TARS3: variants seen among roughly 807,000 people sequenced by gnomAD.
TARS3 encodes threonyl-tRNA synthetase 3.
Under a neutral mutation model 103.5 loss-of-function variants are expected in TARS3, and 94 were observed. The observed-to-expected ratio is 0.91, with a 90% CI of 0.77 to 1.08. The LOEUF is 1.08. TARS3 is among the 50% of genes least tolerant of loss of function. The pLI, the probability that TARS3 is intolerant of heterozygous loss-of-function variation, is 0.00. For missense variants in TARS3, 952 were observed against 995.2 expected, an observed-to-expected ratio of 0.96 and a Z score of 0.58; for synonymous variants, 416 against 355.4, an observed-to-expected ratio of 1.17 and a Z score of -1.92.
intron 18 of TARS3, among the ~76,000 whole-genome samples, chr15:101,655,361 A>C (rs866897881): frequency 1.7e-5 from 2 of 116,530 alleles, no homozygotes; most frequent in Non-Finnish European, 3.6e-5. Context: ...CTAGGGTGCA[A>C]ATGAGAGGGG....
intron 10 of TARS3, among the ~76,000 whole-genome samples, chr15:101,696,329 T>C (rs1044160853): frequency 1.3e-5 from 2 of 151,904 alleles, no homozygotes; most frequent in African/African-American, 2.4e-5. Flanking sequence ...GTAAGTGTTA[T>C]ACTTGCTTCA....
At chr15:101,675,189 G>A (rs149019638) in intron 13 of TARS3, among the ~76,000 whole-genome samples, 8 of 152,284 alleles carry the variant, frequency 5.3e-5, no homozygotes, top group Non-Finnish European at 8.8e-5. Flanking sequence ...ACGACAGGAC[G>A]TGACTACGAA....
intron 13 of TARS3, among the ~76,000 whole-genome samples, chr15:101,672,807 CCT>C (rs1467258157): frequency 6.6e-6 from 1 of 152,180 alleles, no homozygotes; most frequent in Non-Finnish European, 1.5e-5. Context: ...GCTGCGCTCC[CCT>C]GTTCCACTCT....
chr15:101,708,257 GAAAAAAAAAAAA>G (rs60601502), intron 6 of TARS3, among the ~76,000 whole-genome samples: 3 of 48,602 alleles, frequency 6.2e-5, no homozygotes, highest in Non-Finnish European at 1.0e-4. Flanking sequence ...GACTCTGTCT[GAAAAAAAAAAAA>G]AAAAAAAAAA....
At chr15:101,668,467 C>T (rs889587865) in intron 15 of TARS3, among the ~76,000 whole-genome samples, 2 of 152,020 alleles carry the variant, frequency 1.3e-5, no homozygotes, top group Non-Finnish European at 2.9e-5. Flanking sequence ...AGAGTAATAT[C>T]AAATATCACT....
Position 101,684,176 on chromosome 15 carries a change from C to T in TARS3, c.1549G>A (p.Gly517Arg). ...GACAGTTCATTTCTATGCAGAACTC[C>T]AAAATCAGCAAATCTAATAGGCATT... is the stretch of plus-strand genomic sequence containing the variant. ...REMPIRFADFGVLHRNELSGT... is the reference protein window; with the variant it reads ...REMPIRFADFRVLHRNELSGT... Residue 517 changes from glycine (G) to arginine (R), a missense_variant, in exon 12 of 19, where the codon GGA (glycine) becomes AGA (arginine). Gly to Arg is a moderately radical substitution (Grantham distance 125). Transcript: ENST00000335968. 1 of 1,614,050 alleles carries T rather than the reference C, an allele frequency of 6.2e-7. No individual in the cohort carries two copies. Among genetic ancestry groups the T allele is most frequent in the Non-Finnish European group, 8.5e-7 (1 of 1,179,958 alleles).
Position 101,657,779 on chromosome 15 carries a change from T to C in TARS3, c.2145+6A>G. On this transcript the variant is annotated splice_donor_region_variant and intron_variant, in intron 17 of 18. Coordinates refer to ENST00000335968, the MANE Select transcript of TARS3 (RefSeq NM_152334.3). Reference sequence around the variant, plus strand: ...TATTATGTACTTTAAACACCTCTGATTTTACCTGAAGTGCATATTTTTCAC... The same window carrying C: ...TATTATGTACTTTAAACACCTCTGACTTTACCTGAAGTGCATATTTTTCAC... 1 of 1,596,422 alleles carries C rather than the reference T, an allele frequency of 6.3e-7. No homozygotes were observed. Among genetic ancestry groups the C allele is most frequent in the Non-Finnish European group, 8.6e-7 (1 of 1,167,652 alleles).
intron 10 of TARS3, among the ~76,000 whole-genome samples, chr15:101,689,797 T>G (rs1327793536): frequency 6.6e-6 from 1 of 152,228 alleles, no homozygotes; most frequent in South Asian, 2.1e-4. Context: ...ACCTAGTTTA[T>G]GGTATTTTGT....
chr15:101,698,216 C>T (rs927445210), intron 10 of TARS3, among the ~76,000 whole-genome samples: 1 of 152,114 alleles, frequency 6.6e-6, no homozygotes, highest in Non-Finnish European at 1.5e-5. Context: ...CCTGTGGTCC[C>T]AGCTGCTCGG....
At chr15:101,705,572 T>C (rs910727496) in intron 7 of TARS3, 111 bp downstream of exon 7, 2 of 803,524 alleles carry the variant, frequency 2.5e-6, no homozygotes, top group Non-Finnish European at 4.1e-6. Flanking sequence ...CGGTAGATTA[T>C]CAACTACACA....
intron 10 of TARS3, among the ~76,000 whole-genome samples, chr15:101,700,883 C>T (rs909357925): frequency 1.2e-4 from 19 of 152,174 alleles, no homozygotes; most frequent in African/African-American, 4.6e-4. Flanking sequence ...CTCAGGTGAT[C>T]TGCCCACCTT....
chr15:101,710,130 C>T (rs1899787349), intron 5 of TARS3, among the ~76,000 whole-genome samples: 1 of 152,154 alleles, frequency 6.6e-6, no homozygotes. Flanking sequence ...ATGAAACCTC[C>T]ATTAAAATCC....
At chr15:101,678,953 T>C (rs1460337015) in intron 12 of TARS3, among the ~76,000 whole-genome samples, 1 of 152,220 alleles carries the variant, frequency 6.6e-6, no homozygotes, top group African/African-American at 2.4e-5. Context: ...TTTAAAAGTA[T>C]TGTGCCACTT....
chr15:101,657,858 C>A lies in TARS3; in HGVS notation c.2073-1G>T. The A allele has an allele frequency of 6.3e-7, 1 of 1,580,250 alleles. No homozygotes were observed. Among genetic ancestry groups the A allele is most frequent in the Admixed American group, 1.7e-5 (1 of 57,170 alleles). On this transcript the variant is annotated splice_acceptor_variant, in intron 16 of 18. Transcript: ENST00000335968. LOFTEE classifies it high-confidence loss of function. ...CTGACGAGGAGATAGCCAGAAAGGC[C>A]TGAAAAATATATATAAAATATGTAT...
intron 7 of TARS3, 138 bp from the exon 8 acceptor site, chr15:101,704,075 G>A: frequency 1.8e-6 from 1 of 560,550 alleles, no homozygotes; most frequent in Non-Finnish European, 3.1e-6. Flanking sequence ...TTAGGGTGAA[G>A]GAGAGAGGTG....
intron 12 of TARS3, among the ~76,000 whole-genome samples, chr15:101,681,682 G>A (rs1271715675): frequency 6.6e-6 from 1 of 152,212 alleles, no homozygotes; most frequent in Non-Finnish European, 1.5e-5. Flanking sequence ...TCACACGGCA[G>A]AGAGAATCAG....
In TARS3 at chr15:101,657,866, T is replaced by C; in HGVS notation, c.2073-9A>G. The C allele has an allele frequency of 6.5e-7, 1 of 1,546,812 alleles. No individual in the cohort carries two copies. Among genetic ancestry groups the C allele is most frequent in the Non-Finnish European group, 8.8e-7 (1 of 1,134,572 alleles). On this transcript the variant is annotated splice_polypyrimidine_tract_variant and intron_variant, in intron 16 of 18. Coordinates refer to ENST00000335968, the MANE Select transcript of TARS3 (RefSeq NM_152334.3). ...GAGATAGCCAGAAAGGCCTGAAAAA[T>C]ATATATAAAATATGTATTTTCAAAG...
chr15:101,703,023 C>CG (rs1280906414), intron 8 of TARS3, among the ~76,000 whole-genome samples: 1 of 152,134 alleles, frequency 6.6e-6, no homozygotes, highest in African/African-American at 2.4e-5. Flanking sequence ...AAGTAAAGGT[C>CG]GGTCTTGCTG....
intron 12 of TARS3, among the ~76,000 whole-genome samples, chr15:101,679,391 T>C (rs1351291001): frequency 3.3e-5 from 5 of 152,234 alleles, no homozygotes; most frequent in Admixed American, 1.3e-4. Flanking sequence ...GTCTTCACCA[T>C]TCTGCTCATG....
Sources: allele counts gnomAD v4.1 joint callset (sites outside exome capture counted in the v4.1 genomes callset), GRCh38; gene constraint gnomAD v4.1.1; transcripts MANE v1.5; gene names NCBI Gene and HGNC (gene_info 2026-07-23, HGNC 2026-07-21).